The following USP10 variants were observed in gnomAD, a reference collection of about 807,000 sequenced individuals.
The protein encoded by USP10 is ubiquitin specific peptidase 10.
In USP10, 22 loss-of-function variants were observed where a neutral mutation model predicts 84.5. The ratio of observed to expected loss-of-function variants is 0.26; its 90% CI spans 0.19 to 0.37. The LOEUF (loss-of-function observed/expected upper bound fraction) is 0.37. Among genes scored for constraint, USP10 ranks in the 10% least tolerant of loss-of-function variants. The pLI, the probability that USP10 is intolerant of heterozygous loss-of-function variation, is 1.00. For synonymous variants in USP10, 454 were observed against 387.6 expected (o/e 1.17, Z -2.01); for missense variants, 1,019 against 998.9 (o/e 1.02, Z -0.27).
intron 4 of USP10, among the ~76,000 whole-genome samples, chr16:84,747,649 C>T (rs1015872116): frequency 2.0e-5 from 3 of 149,718 alleles, no homozygotes; most frequent in Non-Finnish European, 1.5e-5. Context: ...CTACAACCTC[C>T]GCCTCCTGGG....
At chr16:84,747,129 C>T (rs1277107491) in intron 4 of USP10, among the ~76,000 whole-genome samples, 5 of 152,208 alleles carry the variant, frequency 3.3e-5, no homozygotes, top group Non-Finnish European at 5.9e-5. Flanking sequence ...CCGCGCGTGA[C>T]TGTACGTACC....
chr16:84,702,717 G>A (rs895278403), intron 1 of USP10, among the ~76,000 whole-genome samples: 3 of 152,182 alleles, frequency 2.0e-5, no homozygotes, highest in East Asian at 3.9e-4. Flanking sequence ...TTACAGGCCA[G>A]CGCGGTGGCT....
intron 8 of USP10, 78 bp downstream of exon 8, chr16:84,760,353 G>C (rs1913067527): frequency 7.7e-7 from 1 of 1,293,938 alleles, no homozygotes; most frequent in South Asian, 1.3e-5. Context: ...GTTGCTTATT[G>C]ATATTTGCCC....
chr16:84,765,985 C>A (rs1374206527), intron 10 of USP10, among the ~76,000 whole-genome samples: 1 of 152,176 alleles, frequency 6.6e-6, no homozygotes, highest in Non-Finnish European at 1.5e-5. Context: ...CTCATTGGAG[C>A]CTAATTTCCT....
At chr16:84,728,712 C>G (rs1406494100) in intron 1 of USP10, among the ~76,000 whole-genome samples, 1 of 152,108 alleles carries the variant, frequency 6.6e-6, no homozygotes, top group Non-Finnish European at 1.5e-5. Flanking sequence ...GGCCATTTTC[C>G]CTTTTTGTAG....
At chr16:84,754,485 C>A (rs180986276) in intron 4 of USP10, among the ~76,000 whole-genome samples, 1 of 152,094 alleles carries the variant, frequency 6.6e-6, no homozygotes, top group South Asian at 2.1e-4. Flanking sequence ...CCCAAGGGCC[C>A]GTACGTATGT....
In USP10 at chr16:84,772,824, C is replaced by T. The variant is rs1253670209; in HGVS notation, c.2143+139C>T. 3.4e-6 allele frequency: 4 copies of T among 1,189,444 alleles called. No individual in the cohort carries two copies. In the Admixed American group the frequency reaches 1.1e-4, roughly 33 times the overall value. 73.7% of individuals were successfully genotyped at this position (1,189,444 alleles called of 1,614,324 possible). ...CGTGGACTTGTTTTAAGTTTCTTGA[C>T]TTGTAATAGACCTTAATACTAAAAT... On this transcript the variant is annotated intron_variant, in intron 12 of 13. Coordinates refer to ENST00000219473, the MANE Select transcript of USP10 (RefSeq NM_005153.3).
At chr16:84,721,626 C>T (rs1907824643) in intron 1 of USP10, among the ~76,000 whole-genome samples, 1 of 152,182 alleles carries the variant, frequency 6.6e-6, no homozygotes, top group Non-Finnish European at 1.5e-5. Context: ...CTCCTGGGTT[C>T]AAGCCATCCT....
At chr16:84,753,407 T>C (rs1021981676) in intron 4 of USP10, among the ~76,000 whole-genome samples, 1 of 152,238 alleles carries the variant, frequency 6.6e-6, no homozygotes, top group African/African-American at 2.4e-5. Flanking sequence ...TCCCTTCTCC[T>C]TCCACCTCTA....
intron 1 of USP10, among the ~76,000 whole-genome samples, chr16:84,708,073 T>TA (rs1200883317): frequency 3.9e-5 from 6 of 152,054 alleles, no homozygotes; most frequent in Non-Finnish European, 7.4e-5. Flanking sequence ...GCGAGACTCT[T>TA]ACGTCAAAAA....
At chr16:84,704,029 A>G (rs1237776785) in intron 1 of USP10, among the ~76,000 whole-genome samples, 1 of 152,234 alleles carries the variant, frequency 6.6e-6, no homozygotes, top group Non-Finnish European at 1.5e-5. Context: ...ACGAAGCTTA[A>G]TGATTGCTGT....
In USP10 at chr16:84,764,162, G is replaced by A; in HGVS notation, c.1731G>A (p.Glu577=). 6.2e-7 allele frequency: 1 copy of A among 1,613,980 alleles called. No individual in the cohort carries two copies. The highest frequency in any genetic ancestry group is 8.5e-7 in the Non-Finnish European group (1 of 1,179,860). The change falls in exon 10 of 14, where the codon GAG becomes GAA. Residue 577 remains glutamate, a synonymous_variant. Transcript: ENST00000219473. ...EEQEEQGEGS[E]DEWEQVGPRN... ...AGGAAGAACAAGGTGAAGGAAGCGA[G>A]GATGAATGGGAACAAGTGGGCCCCC...
At chr16:84,776,320 C>T (rs1053252263) in intron 13 of USP10, among the ~76,000 whole-genome samples, 14 of 147,590 alleles carry the variant, frequency 9.5e-5, no homozygotes, top group Admixed American at 7.4e-4. Flanking sequence ...GGTGGGGGCC[C>T]AGGGGTGAGG....
intron 4 of USP10, among the ~76,000 whole-genome samples, chr16:84,755,437 C>T (rs933076765): frequency 7.3e-5 from 11 of 151,660 alleles, no homozygotes; most frequent in Non-Finnish European, 2.9e-5. Flanking sequence ...TTGCTGTCTT[C>T]ACTCCTACAC....
At chr16:84,717,059 C>G (rs1432220519) in intron 1 of USP10, among the ~76,000 whole-genome samples, 1 of 152,144 alleles carries the variant, frequency 6.6e-6, no homozygotes, top group Non-Finnish European at 1.5e-5. Flanking sequence ...AGCTGCGGGT[C>G]TTGTGAATGT....
At chr16:84,735,236 T>TGG (rs1296710271) in intron 2 of USP10, among the ~76,000 whole-genome samples, 176 of 121,682 alleles carry the variant, frequency 1.4e-3, no homozygotes, top group Middle Eastern at 8.3e-3. Context: ...TGTGTGTGTG[T>TGG]GGTGTGTGTG....
At chr16:84,771,720 TAGCC>T (rs1334213207) in intron 11 of USP10, among the ~76,000 whole-genome samples, 1 of 151,786 alleles carries the variant, frequency 6.6e-6, no homozygotes, top group Non-Finnish European at 1.5e-5. Context: ...AATACAAAAT[TAGCC>T]AGATGTGGTG....
At chr16:84,769,575 G>T (rs1047295062) in intron 11 of USP10, among the ~76,000 whole-genome samples, 2 of 63,690 alleles carry the variant, frequency 3.1e-5, no homozygotes, top group Admixed American at 1.5e-4. Flanking sequence ...GGGTGGTTCA[G>T]TTGTGCATTG....
intron 2 of USP10, 29 bp downstream of exon 2, chr16:84,733,532 C>T (rs777839662): frequency 1.6e-5 from 24 of 1,471,574 alleles, no homozygotes; most frequent in African/African-American, 5.7e-5. Context: ...TTAGTGAGTC[C>T]GTGGGTAGAT....
Sources: allele counts gnomAD v4.1 joint callset (sites outside exome capture counted in the v4.1 genomes callset), GRCh38; gene constraint gnomAD v4.1.1; transcripts MANE v1.5; gene names NCBI Gene and HGNC (gene_info 2026-07-23, HGNC 2026-07-21).